The following SLC2A13 variants were observed in gnomAD, a reference collection of about 807,000 sequenced individuals.
SLC2A13 encodes solute carrier family 2 member 13.
SLC2A13 carries 32 observed loss-of-function variants against 64.4 expected under a neutral mutation model. The ratio of observed to expected loss-of-function variants is 0.50; its 90% CI spans 0.37 to 0.67. The LOEUF is 0.67. Among genes scored for constraint, SLC2A13 ranks in the 30% least tolerant of loss-of-function variants. The probability of loss-of-function intolerance (pLI) is 0.00; values close to 1 mark genes in which losing one functional copy is unlikely to be tolerated. For synonymous variants in SLC2A13, 338 were observed against 327.1 expected, an observed-to-expected ratio of 1.03 and a Z score of -0.36; for missense variants, 743 against 829.2, an observed-to-expected ratio of 0.90 and a Z score of 1.28.
At chr12:39,961,241 C>T (rs139385753) in intron 3 of SLC2A13, among the ~76,000 whole-genome samples, 1 of 151,274 alleles carries the variant, frequency 6.6e-6, no homozygotes, top group African/African-American at 2.4e-5. Flanking sequence ...CCACGCCCAG[C>T]TTATTTTTTA....
intron 4 of SLC2A13, among the ~76,000 whole-genome samples, chr12:39,932,863 C>G (rs948953927): frequency 1.3e-5 from 2 of 150,190 alleles, no homozygotes; most frequent in African/African-American, 4.9e-5. Flanking sequence ...TCTTAATGAA[C>G]CAGGGGATAA....
chr12:40,016,484 C>T (rs899232006), intron 3 of SLC2A13, among the ~76,000 whole-genome samples: 1 of 152,180 alleles, frequency 6.6e-6, no homozygotes, highest in African/African-American at 2.4e-5. Context: ...AATTTCACAT[C>T]TAAGATTCTG....
At chr12:39,764,886 A>G (rs770378292) in intron 7 of SLC2A13, 28 bp from the exon 8 acceptor site, 1 of 1,601,058 alleles carries the variant, frequency 6.2e-7, no homozygotes, top group East Asian at 2.2e-5. Flanking sequence ...ATAAGTATTA[A>G]CTTAATGTTT....
intron 1 of SLC2A13, among the ~76,000 whole-genome samples, chr12:40,074,189 G>A (rs965379486): frequency 3.4e-5 from 5 of 146,228 alleles, no homozygotes; most frequent in African/African-American, 5.1e-5. Flanking sequence ...TTTTTGAGTC[G>A]GAGTCTTGCT....
Position 40,065,459 on chromosome 12 carries a change from C to A in SLC2A13, c.557-17249G>T, listed in dbSNP as rs569231372. Among the ~76,000 whole-genome samples, 7 of 152,038 alleles carry A rather than the reference C, an allele frequency of 4.6e-5. No individual in the cohort carries two copies. The South Asian group carries it at 1.5e-3, about 32-fold the overall frequency. ...AACTAGCTGGGCATGGTAGTGCATGCCTGTAGTCCTAGCTACTCAGGAGGC... is the reference window on the plus strand; with the variant it reads ...AACTAGCTGGGCATGGTAGTGCATGACTGTAGTCCTAGCTACTCAGGAGGC... On this transcript the variant is annotated intron_variant, in intron 1 of 9. Transcript: ENST00000280871.
intron 4 of SLC2A13, among the ~76,000 whole-genome samples, chr12:39,900,215 CA>C (rs2136013838): frequency 6.6e-6 from 1 of 152,208 alleles, no homozygotes; most frequent in Admixed American, 6.5e-5. Flanking sequence ...CTATCTATGA[CA>C]ACCCCACAGC....
At chr12:39,984,650 A>T (rs1009176054) in intron 3 of SLC2A13, among the ~76,000 whole-genome samples, 5 of 152,044 alleles carry the variant, frequency 3.3e-5, no homozygotes, top group Non-Finnish European at 5.9e-5. Flanking sequence ...ACTGCTTTTT[A>T]AAAAAAATCA....
At chr12:39,772,074 A>G (rs1028457770) in intron 7 of SLC2A13, among the ~76,000 whole-genome samples, 1 of 151,688 alleles carries the variant, frequency 6.6e-6, no homozygotes, top group Non-Finnish European at 1.5e-5. Flanking sequence ...ACTCCTTTTC[A>G]CTTTCCTCAT....
At chr12:39,861,629 G>A (rs1214002064) in intron 6 of SLC2A13, among the ~76,000 whole-genome samples, 1 of 152,188 alleles carries the variant, frequency 6.6e-6, no homozygotes, top group Non-Finnish European at 1.5e-5. Context: ...TTAGTAATTT[G>A]AGAGTGTGGA....
At chr12:39,925,932 A>T (rs966281534) in intron 4 of SLC2A13, among the ~76,000 whole-genome samples, 1 of 152,198 alleles carries the variant, frequency 6.6e-6, no homozygotes, top group Admixed American at 6.5e-5. Flanking sequence ...ATCCAAATTA[A>T]TTTTTTAAAT....
At chr12:39,838,789 T>C (rs1326744484) in intron 6 of SLC2A13, among the ~76,000 whole-genome samples, 2 of 152,096 alleles carry the variant, frequency 1.3e-5, no homozygotes, top group East Asian at 3.9e-4. Context: ...ATTTAGAACA[T>C]TTTTAGTTTC....
At chr12:39,976,685 T>C (rs1440428647) in intron 3 of SLC2A13, among the ~76,000 whole-genome samples, 1 of 152,128 alleles carries the variant, frequency 6.6e-6, no homozygotes, top group Non-Finnish European at 1.5e-5. Flanking sequence ...GGAGTGAAAC[T>C]GCTGCCCCTG....
intron 3 of SLC2A13, among the ~76,000 whole-genome samples, chr12:39,964,981 T>C (rs28370708): frequency 0.018 from 2,806 of 152,236 alleles, 89 homozygotes; most frequent in African/African-American, 0.064. Context: ...AATTATTAGA[T>C]AAGCCATTTA....
At chr12:40,067,382 T>A (rs536130819) in intron 1 of SLC2A13, among the ~76,000 whole-genome samples, 95 of 152,214 alleles carry the variant, frequency 6.2e-4, no homozygotes, top group Non-Finnish European at 1.2e-3. Context: ...TTTAATTTTT[T>A]ATTTTGGTAG....
At chr12:39,858,516 A>C (rs1209373388) in intron 6 of SLC2A13, among the ~76,000 whole-genome samples, 5 of 152,220 alleles carry the variant, frequency 3.3e-5, no homozygotes, top group African/African-American at 1.2e-4. Context: ...TTCACTGTCA[A>C]GATGCTATGA....
chr12:39,904,256 G>A (rs185327394), intron 4 of SLC2A13, among the ~76,000 whole-genome samples: 2 of 152,238 alleles, frequency 1.3e-5, no homozygotes, highest in East Asian at 1.9e-4. Context: ...GGGGCTAGTC[G>A]TAGAAGCACC....
chr12:39,952,524 A>G (rs1946249006), intron 3 of SLC2A13, among the ~76,000 whole-genome samples: 1 of 152,196 alleles, frequency 6.6e-6, no homozygotes, highest in Admixed American at 6.5e-5. Flanking sequence ...TGGGACGTCA[A>G]GCCAGGGCAT....
At position 40,105,207 on chromosome 12, in the gene SLC2A13, C is replaced by T. The variant is rs761644964; in HGVS notation, c.556+46G>A. On this transcript the variant is annotated intron_variant, in intron 1 of 9. Transcript: ENST00000280871. The surrounding 1 kb of genome is among the most constrained non-coding windows in gnomAD (Gnocchi z 4.2). Reference sequence around the variant, plus strand: ...GGCACGCAACACCCAGGGTCAAGGGCGGTGACAATGGGATCCCGGGCGCCC... The same window carrying T: ...GGCACGCAACACCCAGGGTCAAGGGTGGTGACAATGGGATCCCGGGCGCCC... The T allele has an allele frequency of 2.7e-6, 4 of 1,501,230 alleles. No homozygotes were observed. Among genetic ancestry groups the T allele is most frequent in the Non-Finnish European group, 3.5e-6 (4 of 1,128,258 alleles). 93.0% of individuals were successfully genotyped at this position (1,501,230 alleles called of 1,614,324 possible). A position where few individuals can be genotyped will look rare whatever the true frequency, so the allele number is the denominator to read the frequency against.
At chr12:39,860,871 G>A (rs1438936998) in intron 6 of SLC2A13, among the ~76,000 whole-genome samples, 2 of 151,976 alleles carry the variant, frequency 1.3e-5, no homozygotes, top group African/African-American at 4.8e-5. Context: ...GCTCTTGGTG[G>A]CACCCACACC....
Sources: allele counts gnomAD v4.1 joint callset (sites outside exome capture counted in the v4.1 genomes callset), GRCh38; gene constraint gnomAD v4.1.1; non-coding constraint Gnocchi (gnomAD v3.1); transcripts MANE v1.5; gene names NCBI Gene and HGNC (gene_info 2026-07-23, HGNC 2026-07-21).